TAF1: variants seen among roughly 807,000 people sequenced by gnomAD.
The protein encoded by TAF1 is transcription initiation factor TFIID subunit 1.
Under a neutral mutation model 138.5 loss-of-function variants are expected in TAF1, and 2 were observed. The observed-to-expected ratio is 0.01, with a 90% CI of 0.01 to 0.05. TAF1 has a LOEUF of 0.05. TAF1 is among the 10% of genes least tolerant of loss of function. The pLI, the probability that TAF1 is intolerant of heterozygous loss-of-function variation, is 1.00. For synonymous variants in TAF1, 437 were observed against 503.2 expected, an observed-to-expected ratio of 0.87 and a Z score of 1.76; for missense variants, 709 against 1,478.0, an observed-to-expected ratio of 0.48 and a Z score of 8.53.
chrX:71,377,843 G>A (rs758051415), intron 6 of TAF1, 22 bp downstream of exon 6: 2 of 1,171,665 alleles, frequency 1.7e-6, no homozygotes, highest in Non-Finnish European at 2.3e-6. Context: ...AGAGACCTGA[G>A]ATTAAGGCCT....
intron 13 of TAF1, among the ~76,000 whole-genome samples, chrX:71,475,821 G>A (rs1263547075): frequency 9.0e-6 from 1 of 111,025 alleles, no homozygotes; most frequent in Non-Finnish European, 1.9e-5. Context: ...AGTGAGGCAT[G>A]GTGCGAGGTG....
intron 28 of TAF1, among the ~76,000 whole-genome samples, chrX:71,416,450 G>A (rs1261220749): frequency 9.5e-6 from 1 of 105,424 alleles, no homozygotes; most frequent in Non-Finnish European, 2.0e-5. Context: ...CCCACTAGGG[G>A]TTGCTCTCTG....
At chrX:71,504,052 A>G (rs756908397) in intron 13 of TAF1, among the ~76,000 whole-genome samples, 11 of 110,635 alleles carry the variant, frequency 9.9e-5, no homozygotes, top group Non-Finnish European at 1.9e-4. Context: ...CAATCTGTTG[A>G]AAGGCCTTAA....
At chrX:71,417,617 G>C (rs746946320) in intron 28 of TAF1, among the ~76,000 whole-genome samples, 28 of 111,113 alleles carry the variant, frequency 2.5e-4, no homozygotes, top group Admixed American at 6.7e-4. Flanking sequence ...GTCCACCTCA[G>C]CATCCCAAAG....
chrX:71,402,069 T>C (rs1274068249), intron 25 of TAF1, among the ~76,000 whole-genome samples: 1 of 111,910 alleles, frequency 8.9e-6, no homozygotes, highest in African/African-American at 3.2e-5. Context: ...ATGTCAGTTA[T>C]CTCTTCTTGT....
In TAF1 at chrX:71,390,680, C is replaced by T. The variant is rs548870554; in HGVS notation, c.2781+1015C>T. On this transcript the variant is annotated intron_variant, in intron 18 of 37. Coordinates refer to ENST00000423759, the MANE Select transcript of TAF1 (RefSeq NM_004606.5). ...AACAAGCACACACCACCACACCCAG[C>T]TAATAGTTTAAATTTTTTGTAGAAA... Among the ~76,000 whole-genome samples, 8 of 111,508 alleles carry T rather than the reference C, an allele frequency of 7.2e-5. No homozygotes were observed. In the South Asian group the frequency reaches 3.0e-3, roughly 42 times the overall value.
chrX:71,404,229 C>T (rs769476263), intron 25 of TAF1, among the ~76,000 whole-genome samples: 1 of 111,273 alleles, frequency 9.0e-6, no homozygotes, highest in Admixed American at 9.6e-5. Flanking sequence ...GCCTGGGCCT[C>T]CCAAAGTGCT....
intron 24 of TAF1, among the ~76,000 whole-genome samples, chrX:71,400,080 GTTTT>G (rs887376119): frequency 9.5e-6 from 1 of 105,244 alleles, no homozygotes; most frequent in African/African-American, 3.5e-5. Context: ...GGTTTGGTAG[GTTTT>G]TTTTTGTTTG....
chrX:71,449,749 A>G (rs909596745), intron 32 of TAF1, among the ~76,000 whole-genome samples: 3 of 111,403 alleles, frequency 2.7e-5, no homozygotes, highest in Admixed American at 9.5e-5. Context: ...TATGCAGCCT[A>G]TTTTCTCCAG....
chrX:71,369,129 C>T (rs913369261), intron 3 of TAF1, among the ~76,000 whole-genome samples: 1 of 110,336 alleles, frequency 9.1e-6, no homozygotes, highest in Non-Finnish European at 1.9e-5. Context: ...GGATTACAGG[C>T]GTGAGCCACC....
chrX:71,499,422 A>G (rs974244042), intron 13 of TAF1, among the ~76,000 whole-genome samples: 3 of 112,247 alleles, frequency 2.7e-5, no homozygotes, highest in Non-Finnish European at 5.6e-5. Context: ...TTCTCCTGAT[A>G]TCTGCAGCTG....
intron 37 of TAF1, 82 bp from the exon 38 acceptor site, chrX:71,463,742 A>C: frequency 2.1e-6 from 2 of 968,021 alleles, no homozygotes; most frequent in Non-Finnish European, 2.9e-6. Flanking sequence ...AGATGGGCTG[A>C]TCCTTTGGTG....
Position 71,495,741 on chromosome X carries a change from C to A in TAF1, c.1367-32801C>A, listed in dbSNP as rs151327422. On this transcript the variant is annotated intron_variant and NMD_transcript_variant, in intron 13 of 14. Coordinates refer to the TAF1 transcript ENST00000373775. ...GGATAATGAAGTAGATAATGAAGTA[C>A]AGCTATTCCAGTTCCTGTAGCAGTG... Among the ~76,000 whole-genome samples, 990 of 111,629 alleles carry A rather than the reference C, an allele frequency of 8.9e-3. 5 individuals are homozygous for A. The highest frequency in any genetic ancestry group is 0.032 in the Middle Eastern group (7 of 218).
At chrX:71,507,988 C>T (rs2039659002) in intron 13 of TAF1, among the ~76,000 whole-genome samples, 1 of 102,621 alleles carries the variant, frequency 9.7e-6, no homozygotes, top group Non-Finnish European at 2.0e-5. Context: ...GACTGTGTCT[C>T]AAAAAAATTA....
intron 13 of TAF1, chrX:71,528,466 A>G: frequency 3.5e-6 from 1 of 286,584 alleles, no homozygotes; most frequent in South Asian, 3.2e-5. Flanking sequence ...TCTGTATTGG[A>G]GGTAGTAATG....
chrX:71,375,452 TA>T (rs1318738163), intron 4 of TAF1, among the ~76,000 whole-genome samples, 166 bp downstream of exon 4: 1 of 111,564 alleles, frequency 9.0e-6, no homozygotes, highest in Non-Finnish European at 1.9e-5. Context: ...GTTTTACTTT[TA>T]AAACATTTGG....
chrX:71,514,914 A>C (rs2039799837), intron 13 of TAF1, among the ~76,000 whole-genome samples: 1 of 111,596 alleles, frequency 9.0e-6, no homozygotes, highest in South Asian at 3.7e-4. Context: ...AGGGAACTAA[A>C]ACCAGTATCA....
At chrX:71,497,267 T>C (rs1265146592) in intron 13 of TAF1, among the ~76,000 whole-genome samples, 1 of 111,860 alleles carries the variant, frequency 8.9e-6, no homozygotes, top group Non-Finnish European at 1.9e-5. Flanking sequence ...GACTATAATT[T>C]ATTGGCAGTC....
chrX:71,498,990 C>T (rs2039446211), intron 13 of TAF1, among the ~76,000 whole-genome samples: 1 of 111,277 alleles, frequency 9.0e-6, no homozygotes, highest in East Asian at 2.8e-4. Flanking sequence ...TAAACATACC[C>T]GGGGCTCAGT....
Sources: allele counts gnomAD v4.1 joint callset (sites outside exome capture counted in the v4.1 genomes callset), GRCh38; gene constraint gnomAD v4.1.1; transcripts MANE v1.5; gene names NCBI Gene and HGNC (gene_info 2026-07-23, HGNC 2026-07-21).